Variants in POLN observed in about 807,000 individuals in gnomAD.
POLN encodes the protein DNA polymerase N.
A neutral mutation model predicts 113.5 loss-of-function variants in POLN; 108 were observed. That is an observed-to-expected ratio of 0.95 (90% CI 0.81 to 1.12). The LOEUF (loss-of-function observed/expected upper bound fraction) is 1.12. POLN is among the 50% of genes most tolerant of loss of function. POLN has a pLI of 0.00. For synonymous variants in POLN, 386 were observed against 391.5 expected (o/e 0.99, Z 0.17); for missense variants, 1,097 against 1,077.1 (o/e 1.02, Z -0.26).
intron 3 of POLN, among the ~76,000 whole-genome samples, chr4:2,214,066 C>T (rs572914461): frequency 1.4e-4 from 22 of 152,030 alleles, no homozygotes; most frequent in Middle Eastern, 3.4e-3. Flanking sequence ...TGAAACCCCA[C>T]CTCTACTAAA....
intron 3 of POLN, among the ~76,000 whole-genome samples, chr4:2,214,599 C>T (rs1170243504): frequency 6.6e-6 from 1 of 152,114 alleles, no homozygotes; most frequent in Non-Finnish European, 1.5e-5. Flanking sequence ...CAGGGAAACG[C>T]AAATTAACTA....
intron 20 of POLN, among the ~76,000 whole-genome samples, chr4:2,092,088 C>G (rs1730680602): frequency 6.6e-6 from 1 of 152,336 alleles, no homozygotes; most frequent in African/African-American, 2.4e-5. Flanking sequence ...GGTCCCTCCC[C>G]TGGCTCCCTT....
chr4:2,198,457 G>T, intron 6 of POLN, 67 bp downstream of exon 6: 1 of 1,375,814 alleles, frequency 7.3e-7, no homozygotes, highest in Non-Finnish European at 9.7e-7. Context: ...TGGACCTTGA[G>T]CAAGTTTCCA....
intron 19 of POLN, among the ~76,000 whole-genome samples, chr4:2,100,994 TG>T (rs140241403): frequency 6.6e-6 from 1 of 152,210 alleles, no homozygotes; most frequent in Non-Finnish European, 1.5e-5. Flanking sequence ...CTGGGGCTCA[TG>T]GGCCTTGGTG....
At chr4:2,212,961 G>T in intron 4 of POLN, 86 bp downstream of exon 4, 2 of 863,956 alleles carry the variant, frequency 2.3e-6, no homozygotes, top group Non-Finnish European at 3.5e-6. Flanking sequence ...TATCTACAGT[G>T]CCTAGCACAC....
intron 11 of POLN, 95 bp from the exon 12 acceptor site, chr4:2,171,276 G>A (rs980797950): frequency 2.6e-5 from 29 of 1,133,346 alleles, no homozygotes; most frequent in Admixed American, 6.4e-5. Flanking sequence ...CAGCGAGATG[G>A]GCACGGTGGC....
At chr4:2,200,958 C>CAAA (rs903241029) in intron 5 of POLN, among the ~76,000 whole-genome samples, 18 of 151,896 alleles carry the variant, frequency 1.2e-4, no homozygotes, top group African/African-American at 4.1e-4. Flanking sequence ...TTAAGGAAGT[C>CAAA]AAAAAAATGA....
At chr4:2,089,966 A>G (rs1730628757) in intron 20 of POLN, 2 of 938,638 alleles carry the variant, frequency 2.1e-6, no homozygotes, top group Admixed American at 2.1e-5. Context: ...GTTAACCTAC[A>G]TGATTCTGGT....
At chr4:2,224,970 T>C (rs763953745) in intron 3 of POLN, among the ~76,000 whole-genome samples, 8 of 151,728 alleles carry the variant, frequency 5.3e-5, no homozygotes, top group African/African-American at 1.9e-4. Flanking sequence ...AAAAATGTAA[T>C]GCATTGTGCT....
chr4:2,147,632 GT>G (rs1047968546), intron 16 of POLN, among the ~76,000 whole-genome samples: 2 of 56,382 alleles, frequency 3.5e-5, no homozygotes, highest in African/African-American at 9.9e-5. Flanking sequence ...CAGACATCCA[GT>G]TTTTCTTTTC....
intron 19 of POLN, among the ~76,000 whole-genome samples, chr4:2,116,551 TAAAAAA>T (rs34335060): frequency 6.8e-6 from 1 of 147,462 alleles, no homozygotes; most frequent in African/African-American, 2.5e-5. Flanking sequence ...AATTACCAAT[TAAAAAA>T]AAAAAACCCA....
At chr4:2,239,135 A>G in intron 2 of POLN, 1 of 628,128 alleles carries the variant, frequency 1.6e-6, no homozygotes, top group Non-Finnish European at 2.6e-6. Flanking sequence ...AGGTGACCAG[A>G]TAATAAGCTC....
In POLN at chr4:2,208,209, C is replaced by G; in HGVS notation, c.492G>C (p.Leu164Phe). 1 of 1,600,496 alleles carries G rather than the reference C, an allele frequency of 6.2e-7. No homozygotes were observed. Among genetic ancestry groups the G allele is most frequent in the Non-Finnish European group, 8.6e-7 (1 of 1,168,040 alleles). ...LKRKHITYNNLSEKTSKQMAL... is the reference protein window; with the variant it reads ...LKRKHITYNNFSEKTSKQMAL... ...CCATTTGTTTACTTGTTTTCTCTGA[C>G]AAATTATTATATGTAATATGTTTTC... Residue 164 changes from leucine to phenylalanine, a missense_variant, in exon 5 of 26, where the codon TTG (leucine) becomes TTC (phenylalanine). Coordinates refer to ENST00000511885, the MANE Select transcript of POLN (RefSeq NM_181808.4).
intron 19 of POLN, among the ~76,000 whole-genome samples, chr4:2,100,596 G>A (rs953760983): frequency 6.6e-6 from 1 of 152,172 alleles, no homozygotes; most frequent in Non-Finnish European, 1.5e-5. Flanking sequence ...GGGAGGACTG[G>A]GGGGTGAATA....
At chr4:2,197,212 G>A (rs1733598698) in intron 6 of POLN, among the ~76,000 whole-genome samples, 1 of 152,180 alleles carries the variant, frequency 6.6e-6, no homozygotes, top group African/African-American at 2.4e-5. Context: ...CCAGCTCTGG[G>A]TGCTGCACAG....
chr4:2,226,569 G>A (rs1443412672), intron 3 of POLN, among the ~76,000 whole-genome samples: 1 of 152,162 alleles, frequency 6.6e-6, no homozygotes. Context: ...TGTTTTTCAT[G>A]ACAAAGTGTT....
chr4:2,123,225 A>T (rs542508080), intron 19 of POLN, among the ~76,000 whole-genome samples: 1 of 152,146 alleles, frequency 6.6e-6, no homozygotes, highest in African/African-American at 2.4e-5. Flanking sequence ...GTGGTGGTTC[A>T]CACCTGTAAT....
intron 13 of POLN, 134 bp downstream of exon 13, chr4:2,170,545 G>C: frequency 1.5e-6 from 1 of 687,380 alleles, no homozygotes; most frequent in Non-Finnish European, 2.5e-6. Context: ...GGTGTGGGGA[G>C]CCCCTCTTCT....
intron 21 of POLN, among the ~76,000 whole-genome samples, chr4:2,084,656 T>C (rs181105235): frequency 1.0e-3 from 152 of 152,256 alleles, no homozygotes; most frequent in Non-Finnish European, 1.7e-3. Flanking sequence ...GAGTGAAAAG[T>C]CATCAACGAG....
Sources: allele counts gnomAD v4.1 joint callset (sites outside exome capture counted in the v4.1 genomes callset), GRCh38; gene constraint gnomAD v4.1.1; transcripts MANE v1.5; gene names NCBI Gene and HGNC (gene_info 2026-07-23, HGNC 2026-07-21).